NXPH1: variants seen among roughly 807,000 people sequenced by gnomAD.
NXPH1 encodes neurexophilin 1, also known as neurexophilin-1.
Under a neutral mutation model 23.7 loss-of-function variants are expected in NXPH1, and 5 were observed. The observed-to-expected ratio is 0.21, with a 90% confidence interval of 0.11 to 0.44. The LOEUF is 0.44. Ranked by LOEUF, NXPH1 falls within the 20% of genes least tolerant of loss-of-function variation. The pLI is 0.99. For missense variants in NXPH1, 324 were observed against 321.6 expected, an observed-to-expected ratio of 1.01 and a Z score of -0.06; for synonymous variants, 144 against 122.2, an observed-to-expected ratio of 1.18 and a Z score of -1.18.
At chr7:8,728,077 G>T (rs919992797) in intron 2 of NXPH1, among the ~76,000 whole-genome samples, 14 of 149,976 alleles carry the variant, frequency 9.3e-5, no homozygotes, top group Non-Finnish European at 2.1e-4. Context: ...TGGATTCCTA[G>T]GTATTTTATT....
intron 2 of NXPH1, among the ~76,000 whole-genome samples, chr7:8,691,125 T>C (rs189706181): frequency 1.3e-5 from 2 of 152,142 alleles, no homozygotes; most frequent in East Asian, 3.9e-4. Context: ...TTCCAATGAG[T>C]TCTTTTTAGA....
At chr7:8,477,740 T>C (rs1017069536) in intron 2 of NXPH1, among the ~76,000 whole-genome samples, 3 of 152,152 alleles carry the variant, frequency 2.0e-5, no homozygotes, top group African/African-American at 7.2e-5. Flanking sequence ...GTGTTTAATG[T>C]GCTGCCTTAA....
intron 2 of NXPH1, among the ~76,000 whole-genome samples, chr7:8,451,079 A>G (rs561529720): frequency 1.6e-4 from 24 of 151,046 alleles, no homozygotes; most frequent in African/African-American, 4.9e-4. Flanking sequence ...CTGTGGAAGA[A>G]TATGCATTTG....
chr7:8,599,807 ATT>A (rs57462739), intron 2 of NXPH1, among the ~76,000 whole-genome samples: 13 of 145,142 alleles, frequency 9.0e-5, no homozygotes, highest in Admixed American at 1.4e-4. Flanking sequence ...AGATAGGAAG[ATT>A]TTTTTTTTTT....
intron 2 of NXPH1, among the ~76,000 whole-genome samples, chr7:8,743,047 A>C (rs1780393484): frequency 6.6e-6 from 1 of 152,188 alleles, no homozygotes; most frequent in Non-Finnish European, 1.5e-5. Flanking sequence ...TGTGCCCTTA[A>C]CCAATAGTAG....
chr7:8,748,424 G>A lies in NXPH1; in HGVS notation c.55-2584G>A, dbSNP rs150663298. Among the ~76,000 whole-genome samples the A allele has an allele frequency of 8.7e-3, 1,322 of 152,304 alleles. 7 individuals are homozygous for A. Among genetic ancestry groups the A allele is most frequent in the Non-Finnish European group, 0.014 (978 of 68,022 alleles). ...ATTTTCCCCAAGACCACTAATGGCC[G>A]TCTGATAGCCCCATTTGACTCCACA... is the stretch of plus-strand genomic sequence containing the variant. On this transcript the variant is annotated intron_variant, in intron 2 of 2. Coordinates refer to ENST00000405863, the MANE Select transcript of NXPH1 (RefSeq NM_152745.3).
chr7:8,718,436 T>C (rs1779912573), intron 2 of NXPH1, among the ~76,000 whole-genome samples: 1 of 152,206 alleles, frequency 6.6e-6, no homozygotes, highest in African/African-American at 2.4e-5. Context: ...AATAAAGCAC[T>C]CATCTGAAAA....
chr7:8,459,552 C>G (rs763667287), intron 2 of NXPH1, among the ~76,000 whole-genome samples: 2 of 152,144 alleles, frequency 1.3e-5, no homozygotes, highest in African/African-American at 2.4e-5. Flanking sequence ...GTACTCTGCC[C>G]TGCCATCTTC....
chr7:8,601,404 C>T (rs1387980164), intron 2 of NXPH1, among the ~76,000 whole-genome samples: 1 of 152,020 alleles, frequency 6.6e-6, no homozygotes, highest in Non-Finnish European at 1.5e-5. Flanking sequence ...GAAAAAAATG[C>T]AAAAAGACAA....
At position 8,435,712 on chromosome 7, in the gene NXPH1, G is replaced by A. The variant is rs778638684; in HGVS notation, c.-2G>A. The stretch of plus-strand genomic sequence containing the variant: ...CGCCAAGGAAGTTTGAGACGCGGGA[G>A]AATGCAGGCTGCGTGCTGGTACGTG... On this transcript the variant is annotated 5_prime_UTR_variant, in exon 2 of 3. Coordinates refer to ENST00000405863, the MANE Select transcript of NXPH1 (RefSeq NM_152745.3). This position sits in a 1 kb window ranked among gnomAD's most constrained non-coding sequence, Gnocchi z 5.9. 2 of 1,613,854 alleles carry A rather than the reference G, an allele frequency of 1.2e-6. No homozygotes were observed. The highest frequency in any genetic ancestry group is 4.5e-5 in the East Asian group (2 of 44,890).
chr7:8,743,513 A>G (rs1298762126), intron 2 of NXPH1, among the ~76,000 whole-genome samples: 2 of 152,144 alleles, frequency 1.3e-5, no homozygotes, highest in African/African-American at 2.4e-5. Context: ...GAAGTGGTTT[A>G]TTCCCCCAAA....
intron 2 of NXPH1, among the ~76,000 whole-genome samples, chr7:8,692,789 C>T (rs879095733): frequency 4.0e-5 from 6 of 151,876 alleles, no homozygotes; most frequent in South Asian, 2.1e-4. Context: ...CTTCTAAAGC[C>T]GAGTTGAAAG....
At chr7:8,486,986 T>C (rs558078493) in intron 2 of NXPH1, among the ~76,000 whole-genome samples, 29 of 152,296 alleles carry the variant, frequency 1.9e-4, no homozygotes, top group African/African-American at 6.7e-4. Context: ...ATCTCTATTT[T>C]CCATGATCAG....
At chr7:8,495,552 C>T (rs1463323921) in intron 2 of NXPH1, among the ~76,000 whole-genome samples, 1 of 151,848 alleles carries the variant, frequency 6.6e-6, no homozygotes, top group Non-Finnish European at 1.5e-5. Context: ...CAATTCCATA[C>T]TTTTCTAGCA....
At chr7:8,577,390 A>G (rs1818775048) in intron 2 of NXPH1, among the ~76,000 whole-genome samples, 1 of 152,154 alleles carries the variant, frequency 6.6e-6, no homozygotes, top group Admixed American at 6.5e-5. Flanking sequence ...AAACCAGGAG[A>G]GTAACAATCT....
At chr7:8,696,035 A>G (rs1320676700) in intron 2 of NXPH1, among the ~76,000 whole-genome samples, 1 of 152,234 alleles carries the variant, frequency 6.6e-6, no homozygotes, top group African/African-American at 2.4e-5. Context: ...GTTTTGTTTC[A>G]TATTAAAAAT....
intron 2 of NXPH1, among the ~76,000 whole-genome samples, chr7:8,559,301 T>C (rs1477693969): frequency 3.3e-5 from 5 of 151,680 alleles, no homozygotes; most frequent in Non-Finnish European, 1.5e-5. Context: ...CAAAAAAGTC[T>C]TAATTTGATT....
rs563749113 is a variant in NXPH1, at chr7:8,598,381, A to G, written c.55-152627A>G. 8.5e-5 allele frequency among the ~76,000 whole-genome samples: 13 copies of G among 152,184 alleles called. No individual in the cohort carries two copies. In the South Asian group the frequency reaches 1.2e-3, roughly 15 times the overall value. ...TTGTTAATGAATAGCTTAGTATCCA[A>G]TCTTCTCTTTGGCTAATATTGGGGC... On this transcript the variant is annotated intron_variant, in intron 2 of 2. Transcript: ENST00000405863.
intron 2 of NXPH1, among the ~76,000 whole-genome samples, chr7:8,670,937 C>T (rs918515939): frequency 6.6e-6 from 1 of 152,080 alleles, no homozygotes; most frequent in African/African-American, 2.4e-5. Context: ...CTGATAGCAC[C>T]TCTGACATGG....
Sources: gnomAD v4.1 joint callset for allele counts (sites outside exome capture counted in the v4.1 genomes callset) on GRCh38, gnomAD v4.1.1 for gene constraint, Gnocchi (gnomAD v3.1) non-coding constraint, MANE v1.5 for transcripts, NCBI Gene and HGNC (gene_info 2026-07-23, HGNC 2026-07-21) for gene names.